SLC39A10: variants seen among roughly 807,000 people sequenced by gnomAD.
SLC39A10 encodes the protein solute carrier family 39 member 10.
A neutral mutation model predicts 65.1 loss-of-function variants in SLC39A10; 13 were observed. The observed-to-expected ratio is 0.20, with a 90% CI of 0.13 to 0.32. The LOEUF is 0.32. SLC39A10 is among the 10% of genes least tolerant of loss of function. The pLI, the probability that SLC39A10 is intolerant of heterozygous loss-of-function variation, is 1.00. For missense variants in SLC39A10, 831 were observed against 1,018.4 expected (o/e 0.82, Z 2.50); for synonymous variants, 321 against 342.2 (o/e 0.94, Z 0.68).
intron 3 of SLC39A10, among the ~76,000 whole-genome samples, chr2:195,684,695 A>C (rs1216085418): frequency 6.6e-6 from 1 of 151,986 alleles, no homozygotes; most frequent in Non-Finnish European, 1.5e-5. Flanking sequence ...GTATCTTCTA[A>C]CTTCATCCAC....
intron 2 of SLC39A10, among the ~76,000 whole-genome samples, chr2:195,644,478 A>AT (rs1424556663): frequency 1.3e-5 from 2 of 150,290 alleles, no homozygotes; most frequent in Non-Finnish European, 2.9e-5. Flanking sequence ...AGTAGCTGGG[A>AT]TTACAGGCAT....
At chr2:195,703,763 C>T (rs1258231003) in intron 3 of SLC39A10, among the ~76,000 whole-genome samples, 1 of 152,160 alleles carries the variant, frequency 6.6e-6, no homozygotes, top group Admixed American at 6.5e-5. Flanking sequence ...CAGCCATCCT[C>T]TCACCTCAGC....
intron 4 of SLC39A10, among the ~76,000 whole-genome samples, chr2:195,708,399 TC>T (rs1204246068): frequency 1.3e-5 from 2 of 152,228 alleles, no homozygotes; most frequent in African/African-American, 2.4e-5. Flanking sequence ...GGCTTGATTC[TC>T]TCACTGTAGT....
intron 2 of SLC39A10, among the ~76,000 whole-genome samples, chr2:195,635,722 T>TA (rs397686286): frequency 6.6e-6 from 1 of 150,644 alleles, no homozygotes; most frequent in Non-Finnish European, 1.5e-5. Context: ...TTTTTTTTTT[T>TA]ACTTGAAAGA....
At chr2:195,634,961 T>C (rs971992251) in intron 2 of SLC39A10, among the ~76,000 whole-genome samples, 1 of 152,140 alleles carries the variant, frequency 6.6e-6, no homozygotes, top group Non-Finnish European at 1.5e-5. Flanking sequence ...GGCAGAAGGA[T>C]TGGTTGAACC....
intron 8 of SLC39A10, among the ~76,000 whole-genome samples, chr2:195,726,155 GTTAC>G (rs756529617): frequency 2.6e-5 from 4 of 152,274 alleles, no homozygotes; most frequent in Admixed American, 6.5e-5. Flanking sequence ...CTGTTTGGTT[GTTAC>G]TTAGGAAGGA....
intron 8 of SLC39A10, among the ~76,000 whole-genome samples, chr2:195,722,682 TCCACTTC>T (rs750216106): frequency 9.2e-5 from 14 of 152,208 alleles, no homozygotes; most frequent in Non-Finnish European, 1.8e-4. Context: ...CAGGGAGAAG[TCCACTTC>T]CCACTTTCTA....
chr2:195,729,576 C>T (rs996649076), intron 9 of SLC39A10, among the ~76,000 whole-genome samples: 9 of 152,284 alleles, frequency 5.9e-5, no homozygotes, highest in South Asian at 4.1e-4. Flanking sequence ...AGCTGGTGCT[C>T]CTGCAAACTG....
intron 1 of SLC39A10, among the ~76,000 whole-genome samples, chr2:195,662,274 CTTT>C (rs778924026): frequency 1.4e-5 from 2 of 140,744 alleles, no homozygotes; most frequent in Admixed American, 7.1e-5. Flanking sequence ...GTGGTGTTCC[CTTT>C]TTTTTTTTTT....
chr2:195,666,277 AT>A (rs1689633200), intron 1 of SLC39A10, among the ~76,000 whole-genome samples: 1 of 152,052 alleles, frequency 6.6e-6, no homozygotes, highest in African/African-American at 2.4e-5. Flanking sequence ...TTTTTTGATT[AT>A]TTTTTTCCCA....
intron 3 of SLC39A10, among the ~76,000 whole-genome samples, chr2:195,701,984 C>T (rs1285781052): frequency 6.6e-6 from 1 of 152,170 alleles, no homozygotes; most frequent in Non-Finnish European, 1.5e-5. Flanking sequence ...CCTAGCCTAT[C>T]TTCACAGGTC....
At chr2:195,722,115 C>T (rs1014999812) in intron 8 of SLC39A10, among the ~76,000 whole-genome samples, 8 of 152,154 alleles carry the variant, frequency 5.3e-5, no homozygotes, top group African/African-American at 1.9e-4. Flanking sequence ...CTGCTTGGAC[C>T]AGGAACCCCT....
At chr2:195,717,026 T>TGTG in intron 7 of SLC39A10, 21 bp downstream of exon 7, 1 of 1,605,586 alleles carries the variant, frequency 6.2e-7, no homozygotes, top group Non-Finnish European at 8.5e-7. Context: ...TGGAAACCAC[T>TGTG]GTCTATGCTA....
intron 2 of SLC39A10, among the ~76,000 whole-genome samples, chr2:195,624,965 C>T (rs915845379): frequency 2.0e-5 from 3 of 150,206 alleles, no homozygotes; most frequent in African/African-American, 7.4e-5. Context: ...GTAATCCCAG[C>T]ACTTTGAAAG....
At chr2:195,657,394 G>C in intron 1 of SLC39A10, 113 bp downstream of exon 1, 1 of 985,552 alleles carries the variant, frequency 1.0e-6, no homozygotes, top group Non-Finnish European at 1.2e-6. Context: ...AACAGAACCG[G>C]GGAGTCGGGG....
intron 1 of SLC39A10, among the ~76,000 whole-genome samples, chr2:195,670,052 G>A (rs1018529100): frequency 5.3e-5 from 8 of 152,008 alleles, no homozygotes; most frequent in Non-Finnish European, 8.8e-5. Context: ...CCAGCTACTC[G>A]GGAGGCTGAG....
intron 1 of SLC39A10, among the ~76,000 whole-genome samples, chr2:195,674,961 G>T (rs1330453482): frequency 6.6e-6 from 1 of 152,236 alleles, no homozygotes; most frequent in African/African-American, 2.4e-5. Flanking sequence ...AATGGAGCTT[G>T]CAGGACTGGA....
chr2:195,616,079 C>T (rs1241351206), intron 2 of SLC39A10, among the ~76,000 whole-genome samples: 2 of 152,114 alleles, frequency 1.3e-5, no homozygotes, highest in Non-Finnish European at 2.9e-5. Flanking sequence ...CCTCAGCCTC[C>T]CGAGTAACTG....
chr2:195,700,977 C>T (rs1466344297), intron 3 of SLC39A10, among the ~76,000 whole-genome samples: 1 of 152,018 alleles, frequency 6.6e-6, no homozygotes, highest in African/African-American at 2.4e-5. Flanking sequence ...AGTTTTTAGC[C>T]ATTATTTCTT....
Sources: gnomAD v4.1 joint callset for allele counts (sites outside exome capture counted in the v4.1 genomes callset) on GRCh38, gnomAD v4.1.1 for gene constraint, MANE v1.5 for transcripts, NCBI Gene and HGNC (gene_info 2026-07-23, HGNC 2026-07-21) for gene names.